APC2: variants seen among roughly 807,000 people sequenced by gnomAD.
APC2 encodes adenomatous polyposis coli protein 2.
Under a neutral mutation model 72.5 loss-of-function variants are expected in APC2, and 41 were observed. The ratio of observed to expected loss-of-function variants is 0.57; its 90% confidence interval spans 0.44 to 0.73. The LOEUF is 0.73. APC2 is among the 30% of genes least tolerant of loss of function. The pLI is 0.00. For synonymous variants in APC2, 1,898 were observed against 1,612.0 expected (o/e 1.18, Z -4.25); for missense variants, 3,729 against 3,403.4 (o/e 1.10, Z -2.38).
chr19:1,466,660 C>T lies in APC2; in HGVS notation c.3359C>T (p.Thr1120Ile). Residue 1120 changes from threonine (T) to isoleucine (I), a missense_variant, in exon 15 of 15, where the codon ACC becomes ATC. By Grantham distance (89) the Thr-to-Ile change is moderately conservative (BLOSUM62 -1). Coordinates refer to ENST00000590469, the MANE Select transcript of APC2 (RefSeq NM_005883.3). ...LDSTWRAPGA[T>I]SLPVAIPAPR... ...AGCACGTGGCGGGCGCCCGGGGCCACCTCGCTGCCCGTAGCCATTCCGGCT... is the reference window on the plus strand; with the variant it reads ...AGCACGTGGCGGGCGCCCGGGGCCATCTCGCTGCCCGTAGCCATTCCGGCT... The T allele has an allele frequency of 6.7e-7, 1 of 1,495,984 alleles. No individual in the cohort carries two copies. Among genetic ancestry groups the T allele is most frequent in the Non-Finnish European group, 8.9e-7 (1 of 1,123,234 alleles). The allele number at this position is 1,495,984 out of a possible 1,614,324, so 92.7% of individuals were successfully genotyped here.
rs769333798 is a variant in APC2 at position 1,465,155 on chromosome 19, GCAGGTGCTCCGGGATCA to G, written c.1857_1873del (p.Val620LeufsTer34). ...AGGCTAACCCGCCCTGTGCCTACAG[GCAGGTGCTCCGGGATCA>G]CAACTGTCTGCAGACGCTGCTGCAG... is the stretch of plus-strand genomic sequence containing the variant. On this transcript the variant is annotated frameshift_variant and splice_region_variant, in exon 15 of 15. Transcript: ENST00000590469. LOFTEE classifies it low-confidence loss of function (END_TRUNC). The G allele has an allele frequency of 6.3e-7, 1 of 1,596,386 alleles. No individual in the cohort carries two copies. The highest frequency in any genetic ancestry group is 1.7e-5 in the Admixed American group (1 of 57,734).
intron 9 of APC2, chr19:1,457,559 G>A: frequency 5.9e-6 from 3 of 510,514 alleles, no homozygotes; most frequent in East Asian, 3.6e-5. Flanking sequence ...GGGGCCGGGC[G>A]CTGTGACTCA....
rs868194213 is a variant in APC2 at position 1,452,797 on chromosome 19, G to A, written c.-18-187G>A. The A allele has an allele frequency of 1.4e-4, 89 of 656,838 alleles. No homozygotes were observed. Among genetic ancestry groups the A allele is most frequent in the East Asian group, 1.3e-3 (47 of 35,392 alleles). 40.7% of individuals were successfully genotyped at this position (656,838 alleles called of 1,614,324 possible). A position where few individuals can be genotyped will look rare whatever the true frequency, so the allele number is the denominator to read the frequency against. ...CCTCTCACTCCACCTGCCCCTCTGC[G>A]CCCCGGATTGCCTGGCCACCACCAC... On this transcript the variant is annotated intron_variant, in intron 1 of 14. Transcript: ENST00000590469. This position sits in a 1 kb window ranked among gnomAD's most constrained non-coding sequence, Gnocchi z 5.1.
chr19:1,468,660 G>A lies in APC2; in HGVS notation c.5359G>A (p.Val1787Met), dbSNP rs377441267. ...GAAGACCACGCCCGGGGTGCCAGCT[G>A]TGCTCCGGGGACGAACAGTGATCTA... ...TQKTTPGVPA[V>M]LRGRTVIYVP... The change falls in exon 15 of 15, where the codon GTG (valine) becomes ATG (methionine). Residue 1787 changes from valine (V) to methionine (M), a missense_variant. Val to Met is a conservative substitution (Grantham distance 21). Coordinates refer to ENST00000590469, the MANE Select transcript of APC2 (RefSeq NM_005883.3). The A allele has an allele frequency of 4.8e-5, 76 of 1,584,616 alleles. No homozygotes were observed. The highest frequency in any genetic ancestry group is 8.6e-5 in the Admixed American group (5 of 57,918).
chr19:1,456,055 C>T (rs1236563466), intron 6 of APC2, 21 bp from the exon 7 acceptor site: 3 of 1,543,330 alleles, frequency 1.9e-6, no homozygotes, highest in Non-Finnish European at 2.6e-6. Context: ...CCAGCACTTG[C>T]CCTCGTGTGG....
In APC2 at chr19:1,467,822, C is replaced by T. The variant is rs975921491; in HGVS notation, c.4521C>T (p.Tyr1507=). The part of the protein sequence containing the change: ...CLTTPTEEAV[Y]CFYGNDSDEE... ...CGACGCCCACTGAGGAGGCCGTGTA[C>T]TGCTTCTACGGCAACGACTCGGACG... Residue 1507 remains tyrosine, a synonymous_variant, in exon 15 of 15, where the codon TAC becomes TAT. Coordinates refer to ENST00000590469, the MANE Select transcript of APC2 (RefSeq NM_005883.3). 1 of 1,513,366 alleles carries T rather than the reference C, an allele frequency of 6.6e-7. No homozygotes were observed. 93.7% of individuals were successfully genotyped at this position (1,513,366 alleles called of 1,614,324 possible). A position where few individuals can be genotyped will look rare whatever the true frequency, so the allele number is the denominator to read the frequency against.
At chr19:1,462,840 G>A (rs1272722004) in intron 14 of APC2, among the ~76,000 whole-genome samples, 1 of 151,064 alleles carries the variant, frequency 6.6e-6, no homozygotes, top group Non-Finnish European at 1.5e-5. Context: ...GCATGGTGGT[G>A]GGTGCCTGTA....
intron 6 of APC2, 46 bp from the exon 7 acceptor site, chr19:1,456,030 G>A: frequency 6.6e-7 from 1 of 1,508,490 alleles, no homozygotes; most frequent in Non-Finnish European, 8.9e-7. Context: ...GTCAGAGCCG[G>A]GGGCGGGGTC....
upstream of APC2, chr19:1,446,465 C>T: frequency 1.4e-6 from 1 of 727,074 alleles, no homozygotes; most frequent in Non-Finnish European, 1.7e-6. The surrounding 1 kb of genome is among the most constrained non-coding windows in gnomAD (Gnocchi z 6.1). Context: ...GCGGAGGCTG[C>T]AGAGTCGGGG....
chr19:1,468,709 C>G lies in APC2; in HGVS notation c.5408C>G (p.Ala1803Gly). 1 of 1,531,616 alleles carries G rather than the reference C, an allele frequency of 6.5e-7. No individual in the cohort carries two copies. The highest frequency in any genetic ancestry group is 8.8e-7 in the Non-Finnish European group (1 of 1,133,472). 94.9% of individuals were successfully genotyped at this position (1,531,616 alleles called of 1,614,324 possible). Residue 1803 changes from alanine to glycine, a missense_variant, in exon 15 of 15, where the codon GCC becomes GGC. Physicochemically the swap from Ala to Gly is moderately conservative, Grantham distance 60. Coordinates refer to ENST00000590469, the MANE Select transcript of APC2 (RefSeq NM_005883.3). ...TACGTCCCCAGCCCGGCACCCCGTG[C>G]CCAGCCCAAAGGGACCCCCGGCCCC... ...VIYVPSPAPRAQPKGTPGPRA... is the reference protein window; with the variant it reads ...VIYVPSPAPRGQPKGTPGPRA...
At chr19:1,458,148 C>A in intron 10 of APC2, 88 bp downstream of exon 10, 1 of 1,256,100 alleles carries the variant, frequency 8.0e-7, no homozygotes, top group Non-Finnish European at 1.1e-6. Flanking sequence ...CAGGCTGGGT[C>A]ATCTGAGCTT....
chr19:1,466,981 C>G lies in APC2; in HGVS notation c.3680C>G (p.Thr1227Ser), dbSNP rs142307435. The G allele has an allele frequency of 6.2e-7, 1 of 1,607,968 alleles. No individual in the cohort carries two copies. Among genetic ancestry groups the G allele is most frequent in the Admixed American group, 1.7e-5 (1 of 59,460 alleles). ...APAPQGPPEATQFSLQWESYV... is the reference protein window; with the variant it reads ...APAPQGPPEASQFSLQWESYV... ...GCGCCACAGGGTCCCCCCGAGGCCA[C>G]CCAGTTCAGCCTGCAGTGGGAGAGC... Residue 1227 changes from threonine to serine, a missense_variant, in exon 15 of 15, where the codon ACC becomes AGC. Thr to Ser is a moderately conservative substitution (Grantham distance 58). Transcript: ENST00000590469.
rs1300773517 is a variant in APC2 at position 1,468,092 on chromosome 19, C to T, written c.4791C>T (p.Val1597=). ...SEPEPSEPPA[V]HPRGREPAVT... ...CCGAGCCCTCGGAGCCGCCGGCCGTCCATCCACGAGGCCGGGAGCCCGCGG... is the reference window on the plus strand; with the variant it reads ...CCGAGCCCTCGGAGCCGCCGGCCGTTCATCCACGAGGCCGGGAGCCCGCGG... Residue 1597 remains valine (V), a synonymous_variant, in exon 15 of 15, where the codon GTC becomes GTT. Coordinates refer to ENST00000590469, the MANE Select transcript of APC2 (RefSeq NM_005883.3). The T allele has an allele frequency of 1.3e-6, 2 of 1,542,030 alleles. No individual in the cohort carries two copies. Among genetic ancestry groups the T allele is most frequent in the East Asian group, 2.5e-5 (1 of 39,288 alleles).
At chr19:1,462,577 C>T (rs2083943471) in intron 14 of APC2, among the ~76,000 whole-genome samples, 2 of 148,738 alleles carry the variant, frequency 1.3e-5, no homozygotes, top group Admixed American at 1.3e-4. Flanking sequence ...ATCGTTTGAA[C>T]CCAGGAGGCA....
intron 10 of APC2, chr19:1,458,271 C>T (rs72983582): frequency 6.9e-5 from 41 of 593,042 alleles, no homozygotes; most frequent in African/African-American, 2.0e-4. Flanking sequence ...TGTGGCCTCC[C>T]GATCTGGTCT....
At position 1,468,095 on chromosome 19, in the gene APC2, T is replaced by G; in HGVS notation, c.4794T>G (p.His1598Gln). 2.6e-6 allele frequency: 4 copies of G among 1,537,376 alleles called. No individual in the cohort carries two copies. The highest frequency in any genetic ancestry group is 3.5e-6 in the Non-Finnish European group (4 of 1,150,884). The part of the protein sequence containing the change: ...EPEPSEPPAV[H>Q]PRGREPAVTK... ...AGCCCTCGGAGCCGCCGGCCGTCCA[T>G]CCACGAGGCCGGGAGCCCGCGGTCA... The change falls in exon 15 of 15, where the codon CAT becomes CAG. Residue 1598 changes from histidine to glutamine, a missense_variant. By Grantham distance (24) the His-to-Gln change is conservative (BLOSUM62 0). Transcript: ENST00000590469.
Position 1,455,366 on chromosome 19 carries a change from C to T in APC2, c.523-18C>T, listed in dbSNP as rs778759824. 1.2e-6 allele frequency: 2 copies of T among 1,604,498 alleles called. No individual in the cohort carries two copies. The highest frequency in any genetic ancestry group is 2.2e-5 in the South Asian group (2 of 89,870). ...CCCGGGCGCCCCTCACCGTGGCCCGCCCGCCTGCCTTTGCCAGCAGTTCTC... is the reference window on the plus strand; with the variant it reads ...CCCGGGCGCCCCTCACCGTGGCCCGTCCGCCTGCCTTTGCCAGCAGTTCTC... On this transcript the variant is annotated intron_variant, in intron 5 of 14. Coordinates refer to ENST00000590469, the MANE Select transcript of APC2 (RefSeq NM_005883.3).
chr19:1,461,935 A>T, intron 13 of APC2, 28 bp from the exon 14 acceptor site: 11 of 1,551,026 alleles, frequency 7.1e-6, no homozygotes, highest in Non-Finnish European at 8.9e-6. Context: ...TCAGGCCCTG[A>T]CCCGCCCCTC....
chr19:1,453,912 T>A (rs141463103), intron 4 of APC2, among the ~76,000 whole-genome samples: 2,332 of 152,030 alleles, frequency 0.015, 66 homozygotes, highest in African/African-American at 0.048. Flanking sequence ...CACGCAGGCG[T>A]CGCCAGGGAC....
Sources: allele counts gnomAD v4.1 joint callset (sites outside exome capture counted in the v4.1 genomes callset), GRCh38; gene constraint gnomAD v4.1.1; non-coding constraint Gnocchi (gnomAD v3.1); transcripts MANE v1.5; gene names NCBI Gene and HGNC (gene_info 2026-07-23, HGNC 2026-07-21).